The following FANCM variants were observed in gnomAD, a reference collection of about 807,000 sequenced individuals.
The protein encoded by FANCM is Fanconi anemia group M protein.
Under a neutral mutation model 199.5 loss-of-function variants are expected in FANCM, and 140 were observed. The ratio of observed to expected loss-of-function variants is 0.70; its 90% CI spans 0.61 to 0.81. FANCM has a LOEUF of 0.81. Ranked by LOEUF, FANCM falls within the 30% of genes least tolerant of loss-of-function variation. The probability of loss-of-function intolerance (pLI) is 0.00; values close to 1 mark genes in which losing one functional copy is unlikely to be tolerated. For synonymous variants in FANCM, 840 were observed against 836.8 expected (o/e 1.00, Z -0.07); for missense variants, 2,410 against 2,421.4 (o/e 1.00, Z 0.10).
In FANCM at chr14:45,166,976, A is replaced by C; in HGVS notation, c.1815A>C (p.Lys605Asn). Reference protein sequence around the residue: ...ERIYNQSQSNKRSIYKAISSN... With the variant: ...ERIYNQSQSNNRSIYKAISSN... ...TTTATAATCAGAGTCAGTCCAACAA[A>C]AGAAGTATATATAAAGCTATTTCAA... is the stretch of plus-strand genomic sequence containing the variant. The change falls in exon 11 of 23, where the codon AAA (lysine) becomes AAC (asparagine). Residue 605 changes from lysine to asparagine, a missense_variant. Physicochemically the swap from Lys to Asn is moderately conservative, Grantham distance 94. Transcript: ENST00000267430. The C allele has an allele frequency of 6.3e-7, 1 of 1,588,512 alleles. No individual in the cohort carries two copies. Among genetic ancestry groups the C allele is most frequent in the South Asian group, 1.1e-5 (1 of 90,460 alleles).
At chr14:45,142,685 A>G (rs756934084) in intron 3 of FANCM, among the ~76,000 whole-genome samples, 2 of 151,926 alleles carry the variant, frequency 1.3e-5, no homozygotes, top group African/African-American at 2.4e-5. Context: ...ATATCCCTCA[A>G]TTTGGGTAAG....
rs749426532 is a variant in FANCM at position 45,170,720 on chromosome 14, T to TCTTTAC, written c.2135_2140dup (p.Leu713_Gln714insProLeu). The TCTTTAC allele has an allele frequency of 6.2e-7, 1 of 1,611,974 alleles. No homozygotes were observed. Among genetic ancestry groups the TCTTTAC allele is most frequent in the African/African-American group, 1.3e-5 (1 of 74,846 alleles). On this transcript the variant is annotated inframe_insertion, in exon 12 of 23. Coordinates refer to ENST00000267430, the MANE Select transcript of FANCM (RefSeq NM_020937.4). The stretch of plus-strand genomic sequence containing the variant: ...AACATTGCCTCAAGTTCAGTTTTCT[T>TCTTTAC]CTTTACAAAATGAGGAAAACAAACC...
chr14:45,199,742 T>C (rs1261481410), intron 22 of FANCM, 128 bp from the exon 23 acceptor site: 6 of 783,906 alleles, frequency 7.7e-6, no homozygotes, highest in East Asian at 2.6e-5. Context: ...TCAAGACATA[T>C]CAGCTGGGCG....
At position 45,153,664 on chromosome 14, in the gene FANCM, G is replaced by A. The variant is rs1016356588; in HGVS notation, c.1051-256G>A. 3.9e-5 allele frequency among the ~76,000 whole-genome samples: 6 copies of A among 151,978 alleles called. No individual in the cohort carries two copies. The East Asian group carries it at 1.2e-3, about 29-fold the overall frequency. On this transcript the variant is annotated intron_variant, in intron 5 of 22. Transcript: ENST00000267430. The stretch of plus-strand genomic sequence containing the variant: ...TTTACTTATTATTTTTAAAATGTAA[G>A]TTTCCTGTTTAATTAAAGAAAAAGA...
intron 10 of FANCM, 28 bp downstream of exon 10, chr14:45,164,593 G>T: frequency 6.5e-7 from 1 of 1,541,214 alleles, no homozygotes; most frequent in South Asian, 1.1e-5. Flanking sequence ...AACACAATTT[G>T]ACACTTGAAA....
At chr14:45,139,428 C>G (rs1416023826) in intron 2 of FANCM, among the ~76,000 whole-genome samples, 1 of 152,060 alleles carries the variant, frequency 6.6e-6, no homozygotes, top group Non-Finnish European at 1.5e-5. Flanking sequence ...AATTTGGGAA[C>G]TATGGTATAC....
chr14:45,175,981 A>T lies in FANCM; in HGVS notation c.3227A>T (p.Asp1076Val). The change falls in exon 14 of 23, where the codon GAT becomes GTT. Residue 1076 changes from aspartate to valine, a missense_variant. Coordinates refer to ENST00000267430, the MANE Select transcript of FANCM (RefSeq NM_020937.4). ...LYDIPNDNIS[D>V]EPSLCDCDVH... ...GATATACCTAATGATAATATTTCTG[A>T]TGAGCCAAGTCTCTGTGACTGTGAT... 6.2e-7 allele frequency: 1 copy of T among 1,613,722 alleles called. No homozygotes were observed. Among genetic ancestry groups the T allele is most frequent in the South Asian group, 1.1e-5 (1 of 91,074 alleles).
At position 45,148,970 on chromosome 14, in the gene FANCM, C is replaced by T. The variant is rs1316547284; in HGVS notation, c.893C>T (p.Ala298Val). 6.2e-7 allele frequency: 1 copy of T among 1,613,674 alleles called. No individual in the cohort carries two copies. The highest frequency in any genetic ancestry group is 8.5e-7 in the Non-Finnish European group (1 of 1,179,740). The change falls in exon 4 of 23, where the codon GCA (alanine) becomes GTA (valine). Residue 298 changes from alanine to valine, a missense_variant. Ala to Val is a moderately conservative substitution (Grantham distance 64, BLOSUM62 0). Coordinates refer to ENST00000267430, the MANE Select transcript of FANCM (RefSeq NM_020937.4). ...KLIVPLGEEL[A>V]AIQKTYIQIL... Reference sequence around the variant, plus strand: ...ATTGTTCCGCTTGGTGAAGAACTTGCAGCCATCCAAAAGACCTATATCCAG... The same window carrying T: ...ATTGTTCCGCTTGGTGAAGAACTTGTAGCCATCCAAAAGACCTATATCCAG...
At chr14:45,186,429 T>G (rs1193387182) in intron 18 of FANCM, among the ~76,000 whole-genome samples, 1 of 152,240 alleles carries the variant, frequency 6.6e-6, no homozygotes, top group African/African-American at 2.4e-5. Flanking sequence ...TCAGATTGGC[T>G]GTAACAGAAG....
chr14:45,159,754 A>G (rs940337245), intron 9 of FANCM, among the ~76,000 whole-genome samples: 2 of 152,164 alleles, frequency 1.3e-5, no homozygotes, highest in Admixed American at 1.3e-4. Context: ...GGTCAGAAGA[A>G]ACCATGATAG....
Position 45,151,442 on chromosome 14 carries a change from A to T in FANCM, c.964A>T (p.Met322Leu), listed in dbSNP as rs1886810282. 1 of 1,613,286 alleles carries T rather than the reference A, an allele frequency of 6.2e-7. No homozygotes were observed. Among genetic ancestry groups the T allele is most frequent in the Non-Finnish European group, 8.5e-7 (1 of 1,179,294 alleles). ...ARSLIQRNVL[M>L]RRDIPNLTKY... Reference sequence around the variant, plus strand: ...TTCTTTGATTCAGAGGAATGTTTTGATGAGAAGGGATATCCCAAATCTAAC... The same window carrying T: ...TTCTTTGATTCAGAGGAATGTTTTGTTGAGAAGGGATATCCCAAATCTAAC... Residue 322 changes from methionine (M) to leucine (L), a missense_variant, in exon 5 of 23, where the codon ATG becomes TTG. Met to Leu is a conservative substitution (Grantham distance 15). Transcript: ENST00000267430.
chr14:45,145,362 T>C (rs971424172), intron 3 of FANCM, among the ~76,000 whole-genome samples: 2 of 152,076 alleles, frequency 1.3e-5, no homozygotes, highest in Admixed American at 6.6e-5. Flanking sequence ...GTGCCCCCCA[T>C]GTTCATCGTC....
At chr14:45,159,641 T>C (rs1053569307) in intron 9 of FANCM, among the ~76,000 whole-genome samples, 18 of 152,182 alleles carry the variant, frequency 1.2e-4, no homozygotes, top group Non-Finnish European at 2.5e-4. Context: ...AGAGATCTTA[T>C]TGTAGAGCCA....
rs967861093 is a variant in FANCM, at chr14:45,166,298, A to AT, written c.1789-640dup. Among the ~76,000 whole-genome samples, 224 of 145,876 alleles carry AT rather than the reference A, an allele frequency of 1.5e-3. 1 individual carries two copies. The highest frequency in any genetic ancestry group is 0.01 in the South Asian group (48 of 4,628). Reference sequence around the variant, plus strand: ...AGGCGCATGCCACCATGCCCGGCTAATTTTTTTTTTTTGTATTTTCAGTAG... The same window carrying AT: ...AGGCGCATGCCACCATGCCCGGCTAATTTTTTTTTTTTTGTATTTTCAGTAG... On this transcript the variant is annotated intron_variant, in intron 10 of 22. Coordinates refer to ENST00000267430, the MANE Select transcript of FANCM (RefSeq NM_020937.4).
chr14:45,170,866 G>A (rs914263777), intron 12 of FANCM, 120 bp downstream of exon 12: 3 of 850,138 alleles, frequency 3.5e-6, no homozygotes, highest in African/African-American at 3.4e-5. Flanking sequence ...AATTGTGATT[G>A]GAATGTCAAC....
chr14:45,154,778 G>T lies in FANCM; in HGVS notation c.1265G>T (p.Arg422Leu). The T allele has an allele frequency of 6.2e-7, 1 of 1,603,334 alleles. No homozygotes were observed. The highest frequency in any genetic ancestry group is 8.5e-7 in the Non-Finnish European group (1 of 1,171,880). Reference protein sequence around the residue: ...LYNHLECMFARTRSTSANGIS... With the variant: ...LYNHLECMFALTRSTSANGIS... Reference sequence around the variant, plus strand: ...AATCATCTAGAGTGTATGTTTGCACGTACACGTAGTACTTCAGCAAATGGT... The same window carrying T: ...AATCATCTAGAGTGTATGTTTGCACTTACACGTAGTACTTCAGCAAATGGT... The change falls in exon 7 of 23, where the codon CGT (arginine) becomes CTT (leucine). Residue 422 changes from arginine to leucine, a missense_variant. By Grantham distance (102) the Arg-to-Leu change is moderately radical. Coordinates refer to ENST00000267430, the MANE Select transcript of FANCM (RefSeq NM_020937.4).
At chr14:45,189,399 T>C in intron 20 of FANCM, 37 bp downstream of exon 20, 2 of 1,458,758 alleles carry the variant, frequency 1.4e-6, no homozygotes, top group Non-Finnish European at 1.9e-6. Flanking sequence ...CTTTAGATGG[T>C]TACCAGAAGT....
chr14:45,152,148 C>T (rs1407492890), intron 5 of FANCM, among the ~76,000 whole-genome samples: 1 of 151,632 alleles, frequency 6.6e-6, no homozygotes, highest in Admixed American at 6.6e-5. Flanking sequence ...TGTGCCTCAG[C>T]CTCCCTAGTA....
chr14:45,181,478 G>A lies in FANCM; in HGVS notation c.4271G>A (p.Arg1424Gln), dbSNP rs1393856350. Reference protein sequence around the residue: ...SNESEDDEIFRRKVKRAKGNV... With the variant: ...SNESEDDEIFQRKVKRAKGNV... ...GAAAGTGAAGATGACGAGATTTTCC[G>A]AAGAAAAGTTAAAAGAGCAAAAGGA... The change falls in exon 15 of 23, where the codon CGA becomes CAA. Residue 1424 changes from arginine to glutamine, a missense_variant. By Grantham distance (43) the Arg-to-Gln change is conservative. Transcript: ENST00000267430. 14 of 1,608,426 alleles carry A rather than the reference G, an allele frequency of 8.7e-6. No individual in the cohort carries two copies. The highest frequency in any genetic ancestry group is 2.7e-5 in the African/African-American group (2 of 74,776).
Sources: gnomAD v4.1 joint callset for allele counts (sites outside exome capture counted in the v4.1 genomes callset) on GRCh38, gnomAD v4.1.1 for gene constraint, MANE v1.5 for transcripts, NCBI Gene and HGNC (gene_info 2026-07-23, HGNC 2026-07-21) for gene names.